VCF1: variants seen among roughly 807,000 people sequenced by gnomAD.
The protein encoded by VCF1 is VCP nuclear cofactor family member 1.
At chr17:73,213,417 G>A in the VCF1 span, among the ~76,000 whole-genome samples, 1 of 151,866 alleles carries the variant, frequency 6.6e-6, no homozygotes, top group Admixed American at 6.6e-5. Flanking sequence ...TACTAACATC[G>A]AAGTCTTTGG....
chr17:73,209,205 AC>A, the VCF1 span: 2 of 329,198 alleles, frequency 6.1e-6, no homozygotes, highest in Non-Finnish European at 1.1e-5. Context: ...TTTCTAGTTG[AC>A]AGATTTGGAA....
chr17:73,223,395 G>A, the VCF1 span, among the ~76,000 whole-genome samples: 1 of 152,130 alleles, frequency 6.6e-6, no homozygotes, highest in African/African-American at 2.4e-5. Context: ...CACACATGAA[G>A]TTTCTCTCTA....
At chr17:73,219,477 G>A in the VCF1 span, among the ~76,000 whole-genome samples, 5 of 150,704 alleles carry the variant, frequency 3.3e-5, no homozygotes, top group Non-Finnish European at 5.9e-5. Flanking sequence ...GTGGAACCCC[G>A]TCTCTACTAA....
At chr17:73,208,046 G>A in the VCF1 span, 1 of 1,367,190 alleles carries the variant, frequency 7.3e-7, no homozygotes, top group Non-Finnish European at 9.5e-7. Context: ...GCCCACATTA[G>A]GTTAGCAGGC....
At chr17:73,221,386 A>G in the VCF1 span, among the ~76,000 whole-genome samples, 1 of 151,560 alleles carries the variant, frequency 6.6e-6, no homozygotes, top group Non-Finnish European at 1.5e-5. Flanking sequence ...TCTACATGTA[A>G]ATAATAGAAT....
chr17:73,208,204 C>T, the VCF1 span: 4 of 1,589,492 alleles, frequency 2.5e-6, no homozygotes, highest in Non-Finnish European at 3.4e-6. Context: ...TCGTGCTTCT[C>T]AGCTCCGCTT....
chr17:73,225,570 T>C, the VCF1 span, among the ~76,000 whole-genome samples: 5 of 151,900 alleles, frequency 3.3e-5, no homozygotes, highest in African/African-American at 9.7e-5. Flanking sequence ...AGACCTACCA[T>C]ACCCTTGACT....
the VCF1 span, chr17:73,232,178 G>C: frequency 1.2e-6 from 2 of 1,608,976 alleles, no homozygotes; most frequent in Non-Finnish European, 1.7e-6. Context: ...TTGTGTTTCG[G>C]CGGCCGCCAC....
chr17:73,210,237 C>T, the VCF1 span, among the ~76,000 whole-genome samples: 5 of 152,072 alleles, frequency 3.3e-5, 1 homozygote, highest in Non-Finnish European at 5.9e-5. Flanking sequence ...AAACTAAAAG[C>T]CTATGCCAAT....
the VCF1 span, among the ~76,000 whole-genome samples, chr17:73,213,985 A>T: frequency 6.6e-6 from 1 of 152,126 alleles, no homozygotes; most frequent in Non-Finnish European, 1.5e-5. Context: ...AAAAAAAAAG[A>T]ATGCTACTAG....
chr17:73,210,892 G>A, the VCF1 span, among the ~76,000 whole-genome samples: 1 of 151,748 alleles, frequency 6.6e-6, no homozygotes, highest in African/African-American at 2.4e-5. Flanking sequence ...ACAGGCATGA[G>A]CCACCATGCC....
chr17:73,208,698 A>C, the VCF1 span: 4 of 533,054 alleles, frequency 7.5e-6, no homozygotes, highest in Non-Finnish European at 1.0e-5. Flanking sequence ...CAACACCTTA[A>C]TTGTTGACAC....
chr17:73,232,309 C>T, the VCF1 span: 16 of 1,573,260 alleles, frequency 1.0e-5, no homozygotes, highest in Admixed American at 5.2e-5. Flanking sequence ...CCCCCCATGT[C>T]GCTGCCGCCG....
the VCF1 span, chr17:73,229,652 G>A: frequency 1.1e-6 from 1 of 883,714 alleles, no homozygotes; most frequent in Non-Finnish European, 1.4e-6. Context: ...GATCACTTGA[G>A]GTCAGGAGTT....
the VCF1 span, chr17:73,208,054 G>A: frequency 7.2e-7 from 1 of 1,381,424 alleles, no homozygotes; most frequent in Non-Finnish European, 9.4e-7. Flanking sequence ...TAGGTTAGCA[G>A]GCTGTGGAGA....
the VCF1 span, among the ~76,000 whole-genome samples, chr17:73,225,882 A>ATATATATATATATAT: frequency 2.7e-5 from 2 of 74,694 alleles, no homozygotes; most frequent in African/African-American, 1.1e-4. Flanking sequence ...ATATATATAT[A>ATATATATATATATAT]ATATATATAT....
chr17:73,224,382 T>A, the VCF1 span, among the ~76,000 whole-genome samples: 8,257 of 151,134 alleles, frequency 0.055, 257 homozygotes, highest in Middle Eastern at 0.086. Flanking sequence ...GAGGTAGAGG[T>A]TGCAGTGAGC....
the VCF1 span, chr17:73,227,720 A>G: frequency 1.1e-6 from 1 of 949,422 alleles, no homozygotes; most frequent in Non-Finnish European, 1.3e-6. Context: ...TTATAAAAGT[A>G]CCTCTTGGTC....
chr17:73,211,584 A>G, the VCF1 span, among the ~76,000 whole-genome samples: 1 of 136,844 alleles, frequency 7.3e-6, no homozygotes, highest in Non-Finnish European at 1.6e-5. Context: ...AAAAAAGGCC[A>G]GGCGCGGTGG....
Sources: allele counts gnomAD v4.1 joint callset (sites outside exome capture counted in the v4.1 genomes callset), GRCh38; gene constraint gnomAD v4.1.1; transcripts MANE v1.5; gene names NCBI Gene and HGNC (gene_info 2026-07-23, HGNC 2026-07-21).